The following FUT8 variants were observed in gnomAD, a reference collection of about 807,000 sequenced individuals.
The protein encoded by FUT8 is alpha-(1,6)-fucosyltransferase.
A neutral mutation model predicts 71.3 loss-of-function variants in FUT8; 29 were observed. That is an observed-to-expected ratio of 0.41 (90% confidence interval 0.30 to 0.55). The LOEUF is 0.55. FUT8 is among the 20% of genes least tolerant of loss of function. The probability of loss-of-function intolerance (pLI) is 0.34; values close to 1 mark genes in which losing one functional copy is unlikely to be tolerated. For missense variants in FUT8, 544 were observed against 702.1 expected (o/e 0.77, Z 2.55); for synonymous variants, 254 against 239.3 (o/e 1.06, Z -0.57).
intron 2 of FUT8, among the ~76,000 whole-genome samples, chr14:65,528,003 T>C (rs1174848716): frequency 2.0e-5 from 3 of 152,140 alleles, no homozygotes; most frequent in Non-Finnish European, 4.4e-5. Context: ...GTCAGTGACC[T>C]ACTTGAGGAG....
rs2065766514 is a variant in FUT8, at chr14:65,447,890, G to A, written c.-325-7731G>A. 3.9e-5 allele frequency among the ~76,000 whole-genome samples: 6 copies of A among 151,978 alleles called. No individual in the cohort carries two copies. The South Asian group carries it at 1.0e-3, about 26-fold the overall frequency. ...TACTAAACCTCTTCGTTTCTGTTTCGGGATTAGTTTCTCAATGCCAGAATG... is the reference window on the plus strand; with the variant it reads ...TACTAAACCTCTTCGTTTCTGTTTCAGGATTAGTTTCTCAATGCCAGAATG... On this transcript the variant is annotated intron_variant, in intron 1 of 10. Transcript: ENST00000673929.
intron 6 of FUT8, among the ~76,000 whole-genome samples, chr14:65,644,022 A>G (rs1455013365): frequency 6.6e-6 from 1 of 152,102 alleles, no homozygotes; most frequent in African/African-American, 2.4e-5. Flanking sequence ...TGGTTTCCAC[A>G]TAGAAATAGA....
chr14:65,501,440 C>T (rs979411407), intron 2 of FUT8, among the ~76,000 whole-genome samples: 1 of 152,096 alleles, frequency 6.6e-6, no homozygotes, highest in South Asian at 2.1e-4. Context: ...TACTTCCTGA[C>T]AGCTGTTGGT....
At chr14:65,529,006 AT>A (rs1338472472) in intron 2 of FUT8, 2 of 157,494 alleles carry the variant, frequency 1.3e-5, no homozygotes, top group African/African-American at 4.8e-5. Flanking sequence ...CAGATTTGTT[AT>A]CCTAATAGTC....
chr14:65,649,134 A>G (rs2140317151), intron 6 of FUT8, among the ~76,000 whole-genome samples: 1 of 152,274 alleles, frequency 6.6e-6, no homozygotes, highest in Non-Finnish European at 1.5e-5. Context: ...AACATCTGAC[A>G]CTTTTGTATG....
intron 2 of FUT8, among the ~76,000 whole-genome samples, chr14:65,462,804 G>A (rs1409937933): frequency 6.6e-6 from 1 of 152,214 alleles, no homozygotes; most frequent in Non-Finnish European, 1.5e-5. Context: ...ACATATTGAT[G>A]ATAAGTATAA....
chr14:65,409,313 G>C (rs17102655), upstream of FUT8, among the ~76,000 whole-genome samples: 1,523 of 152,298 alleles, frequency 0.01, 33 homozygotes, highest in African/African-American at 0.035. This position sits in a 1 kb window ranked among gnomAD's most constrained non-coding sequence, Gnocchi z 5.4. Flanking sequence ...CGTTGGTAGA[G>C]ATAGAAAAAT....
At chr14:65,585,334 G>T (rs558666478) in intron 3 of FUT8, among the ~76,000 whole-genome samples, 11 of 152,208 alleles carry the variant, frequency 7.2e-5, no homozygotes, top group African/African-American at 2.2e-4. Flanking sequence ...GACAGGCATT[G>T]AGCCACCATG....
In FUT8 at chr14:65,632,167, C is replaced by T. The variant is rs966649275; in HGVS notation, c.597+2561C>T. ...GGTTGGTTCCACAATTTTGCATTTG[C>T]GAACTGTGCTGCTATAAACATGCAT... On this transcript the variant is annotated intron_variant, in intron 6 of 10. Coordinates refer to ENST00000673929, the MANE Select transcript of FUT8 (RefSeq NM_001371533.1). Among the ~76,000 whole-genome samples, 10 of 152,164 alleles carry T rather than the reference C, an allele frequency of 6.6e-5. No homozygotes were observed. In the South Asian group the frequency reaches 1.0e-3, roughly 16 times the overall value.
intron 1 of FUT8, among the ~76,000 whole-genome samples, chr14:65,417,949 G>T (rs958030934): frequency 1.3e-5 from 2 of 152,110 alleles, no homozygotes; most frequent in African/African-American, 4.8e-5. Flanking sequence ...AAACGAACTT[G>T]AAAGATCTTG....
intron 7 of FUT8, among the ~76,000 whole-genome samples, chr14:65,720,409 G>A (rs959550503): frequency 1.3e-5 from 2 of 152,250 alleles, no homozygotes; most frequent in African/African-American, 4.8e-5. Context: ...CCATACAAGA[G>A]CCAAGGTCTG....
At chr14:65,381,406 G>A in the FUT8 span, among the ~76,000 whole-genome samples, 1 of 152,194 alleles carries the variant, frequency 6.6e-6, no homozygotes, top group East Asian at 1.9e-4. Context: ...GTGACTAGAT[G>A]GCTGAAAGTG....
chr14:65,600,583 G>A (rs1192168677), intron 3 of FUT8, among the ~76,000 whole-genome samples: 2 of 152,070 alleles, frequency 1.3e-5, no homozygotes, highest in African/African-American at 2.4e-5. Flanking sequence ...TGAATATTTT[G>A]CAGCTGTTAA....
chr14:65,584,382 G>T (rs2411357), intron 3 of FUT8, among the ~76,000 whole-genome samples: 53,759 of 152,062 alleles, frequency 0.35, 11,814 homozygotes, highest in Non-Finnish European at 0.5. Flanking sequence ...GTTTCGCCAT[G>T]TTGGCCAGGC....
the FUT8 span, among the ~76,000 whole-genome samples, chr14:65,391,347 G>C: frequency 5.3e-5 from 8 of 152,184 alleles, no homozygotes; most frequent in East Asian, 1.5e-3. Context: ...CCACCCAGTG[G>C]AGATGCTAAC....
chr14:65,392,032 A>G, the FUT8 span, among the ~76,000 whole-genome samples: 1 of 152,070 alleles, frequency 6.6e-6, no homozygotes, highest in Admixed American at 6.6e-5. Flanking sequence ...TCCCATGTTC[A>G]AGTGATTCTC....
At chr14:65,520,234 T>C (rs1301830928) in intron 2 of FUT8, among the ~76,000 whole-genome samples, 1 of 86,210 alleles carries the variant, frequency 1.2e-5, no homozygotes, top group Admixed American at 1.2e-4. Context: ...TCTACATAAT[T>C]AAATGGCAAA....
chr14:65,575,462 G>A (rs4383066), intron 3 of FUT8, among the ~76,000 whole-genome samples: 1,837 of 152,092 alleles, frequency 0.012, 15 homozygotes, highest in South Asian at 0.024. Flanking sequence ...ATTTTGATAG[G>A]ATATCCAAAT....
chr14:65,701,274 T>A (rs1189957051), intron 7 of FUT8, among the ~76,000 whole-genome samples: 1 of 152,164 alleles, frequency 6.6e-6, no homozygotes, highest in Non-Finnish European at 1.5e-5. Context: ...CTTAAGAAAT[T>A]AAAGGAGGAA....
Sources: allele counts gnomAD v4.1 joint callset (sites outside exome capture counted in the v4.1 genomes callset), GRCh38; gene constraint gnomAD v4.1.1; non-coding constraint Gnocchi (gnomAD v3.1); transcripts MANE v1.5; gene names NCBI Gene and HGNC (gene_info 2026-07-23, HGNC 2026-07-21).